ADGRB3: variants seen among roughly 807,000 people sequenced by gnomAD.
ADGRB3 encodes the protein adhesion G protein-coupled receptor B3.
A neutral mutation model predicts 193.4 loss-of-function variants in ADGRB3; 37 were observed. The observed-to-expected ratio is 0.19, with a 90% CI of 0.15 to 0.25. The LOEUF (loss-of-function observed/expected upper bound fraction) is 0.25, where lower values mean the gene tolerates loss of function less well. Ranked by LOEUF, ADGRB3 falls within the 10% of genes least tolerant of loss-of-function variation. ADGRB3 has a pLI of 1.00. For synonymous variants in ADGRB3, 690 were observed against 644.2 expected (o/e 1.07, Z -1.08); for missense variants, 1,637 against 1,852.9 (o/e 0.88, Z 2.14).
chr6:68,677,216 A>C (rs1177237632), intron 3 of ADGRB3, among the ~76,000 whole-genome samples: 1 of 152,212 alleles, frequency 6.6e-6, no homozygotes, highest in East Asian at 1.9e-4. Flanking sequence ...ATTATGTAAA[A>C]CTGAAAGTTC....
intron 22 of ADGRB3, among the ~76,000 whole-genome samples, chr6:69,329,531 G>A (rs990998227): frequency 4.6e-5 from 7 of 152,156 alleles, no homozygotes; most frequent in Admixed American, 3.9e-4. Flanking sequence ...TACATAACTC[G>A]TGTAACCACC....
intron 3 of ADGRB3, among the ~76,000 whole-genome samples, chr6:68,664,368 G>T (rs912520466): frequency 2.0e-5 from 3 of 151,790 alleles, no homozygotes; most frequent in Admixed American, 2.0e-4. Context: ...GATATTTGGA[G>T]CTGGGGACTT....
chr6:69,014,555 A>G (rs1475129898), intron 12 of ADGRB3, among the ~76,000 whole-genome samples: 1 of 152,008 alleles, frequency 6.6e-6, no homozygotes, highest in African/African-American at 2.4e-5. Context: ...GGCCTCACCA[A>G]AAATTATGTT....
intron 3 of ADGRB3, among the ~76,000 whole-genome samples, chr6:68,896,992 G>T (rs530555872): frequency 3.9e-5 from 6 of 152,180 alleles, no homozygotes; most frequent in African/African-American, 1.4e-4. Flanking sequence ...TCCTCTGGGG[G>T]TTACAAGATC....
At chr6:68,733,900 G>A (rs995283066) in intron 3 of ADGRB3, among the ~76,000 whole-genome samples, 1 of 151,076 alleles carries the variant, frequency 6.6e-6, no homozygotes, top group Non-Finnish European at 1.5e-5. Flanking sequence ...TGCTTGAGGG[G>A]ATGAATACCC....
intron 3 of ADGRB3, among the ~76,000 whole-genome samples, chr6:68,816,365 CTG>C (rs61596904): frequency 0.47 from 71,653 of 151,248 alleles, 18,239 homozygotes; most frequent in African/African-American, 0.64. Context: ...GAAAATATAA[CTG>C]AGTATTTATA....
At chr6:69,350,370 A>T (rs1219702150) in intron 26 of ADGRB3, among the ~76,000 whole-genome samples, 4 of 151,584 alleles carry the variant, frequency 2.6e-5, no homozygotes, top group African/African-American at 9.7e-5. Context: ...TATTAGTTAC[A>T]TATCTGTTCC....
intron 26 of ADGRB3, among the ~76,000 whole-genome samples, chr6:69,341,221 C>G (rs539769313): frequency 6.6e-6 from 1 of 152,312 alleles, no homozygotes; most frequent in African/African-American, 2.4e-5. Context: ...AGCTAATTTA[C>G]ACTCCCACCA....
chr6:69,365,253 T>G (rs1043724441), intron 29 of ADGRB3, among the ~76,000 whole-genome samples: 1 of 152,132 alleles, frequency 6.6e-6, no homozygotes, highest in Non-Finnish European at 1.5e-5. Context: ...AGAGTAGAGG[T>G]TGAGGAAAAG....
At chr6:68,929,248 T>C (rs1217705052) in intron 3 of ADGRB3, among the ~76,000 whole-genome samples, 1 of 152,212 alleles carries the variant, frequency 6.6e-6, no homozygotes, top group African/African-American at 2.4e-5. Flanking sequence ...CTTTTACATT[T>C]TCTGCCTTGG....
intron 29 of ADGRB3, among the ~76,000 whole-genome samples, chr6:69,369,728 A>G (rs1024254554): frequency 4.6e-5 from 7 of 151,510 alleles, no homozygotes; most frequent in Non-Finnish European, 8.8e-5. Context: ...AGAGCGAGTC[A>G]TGTCTGGAGG....
intron 11 of ADGRB3, among the ~76,000 whole-genome samples, chr6:68,999,964 G>GA (rs71768860): frequency 0.13 from 19,407 of 149,612 alleles, 2,155 homozygotes; most frequent in East Asian, 0.63. Flanking sequence ...AGGAAAAAAA[G>GA]AAAAAAAAAT....
intron 13 of ADGRB3, among the ~76,000 whole-genome samples, chr6:69,041,572 G>A (rs1365866629): frequency 6.6e-6 from 1 of 152,016 alleles, no homozygotes; most frequent in Non-Finnish European, 1.5e-5. Context: ...TGTAAAATGA[G>A]CATCTTGATA....
chr6:68,679,133 A>G (rs1392078903), intron 3 of ADGRB3, among the ~76,000 whole-genome samples: 1 of 152,212 alleles, frequency 6.6e-6, no homozygotes, highest in Non-Finnish European at 1.5e-5. Context: ...AAAATTCAAT[A>G]TTTGTTAGAT....
intron 3 of ADGRB3, among the ~76,000 whole-genome samples, chr6:68,661,413 GTGTA>G (rs1420258516): frequency 5.5e-5 from 6 of 109,510 alleles, no homozygotes; most frequent in African/African-American, 1.2e-4. Flanking sequence ...ATATATGTGT[GTGTA>G]TATATATGTG....
intron 3 of ADGRB3, among the ~76,000 whole-genome samples, chr6:68,727,036 C>T (rs1391300364): frequency 1.3e-5 from 2 of 151,494 alleles, no homozygotes; most frequent in African/African-American, 4.8e-5. Flanking sequence ...AAATGCTCTC[C>T]CAGGTTACCT....
At chr6:68,748,373 C>T (rs929986528) in intron 3 of ADGRB3, among the ~76,000 whole-genome samples, 2 of 152,132 alleles carry the variant, frequency 1.3e-5, no homozygotes, top group Non-Finnish European at 2.9e-5. Flanking sequence ...AATGGCGGTA[C>T]AGGTATTTGT....
chr6:69,082,089 A>G (rs1296228708), intron 17 of ADGRB3, among the ~76,000 whole-genome samples: 5 of 152,044 alleles, frequency 3.3e-5, no homozygotes, highest in Non-Finnish European at 7.4e-5. Flanking sequence ...TGTATTGTCT[A>G]TTGCTTCTTT....
intron 3 of ADGRB3, among the ~76,000 whole-genome samples, chr6:68,828,187 CT>C (rs34629272): frequency 0.22 from 32,362 of 149,582 alleles, 4,025 homozygotes; most frequent in East Asian, 0.58. Flanking sequence ...ATACAGGTGC[CT>C]TTTTTTTTTC....
Sources: allele counts gnomAD v4.1 joint callset (sites outside exome capture counted in the v4.1 genomes callset), GRCh38; gene constraint gnomAD v4.1.1; transcripts MANE v1.5; gene names NCBI Gene and HGNC (gene_info 2026-07-23, HGNC 2026-07-21).